DST: variants seen among roughly 807,000 people sequenced by gnomAD.
DST encodes the protein bullous pemphigoid antigen.
In DST, 253 loss-of-function variants were observed where a neutral mutation model predicts 875.2. That is an observed-to-expected ratio of 0.29 (90% CI 0.26 to 0.32). DST has a LOEUF of 0.32. DST is among the 10% of genes least tolerant of loss of function. The pLI is 1.00. For missense variants in DST, 8,287 were observed against 9,111.6 expected (o/e 0.91, Z 3.68); for synonymous variants, 3,124 against 3,197.1 (o/e 0.98, Z 0.77).
At chr6:56,582,816 A>G (rs1186091046) in intron 49 of DST, among the ~76,000 whole-genome samples, 6 of 151,936 alleles carry the variant, frequency 3.9e-5, no homozygotes, top group African/African-American at 1.5e-4. Context: ...TCATTGTTCA[A>G]TTCCCACCTA....
At chr6:56,614,317 C>A (rs201696898) in intron 37 of DST, 39 bp downstream of exon 37, 2 of 1,541,136 alleles carry the variant, frequency 1.3e-6, no homozygotes, top group African/African-American at 1.4e-5. Context: ...AACGTCCCTG[C>A]TATTATTATT....
Position 56,572,862 on chromosome 6 carries a change from T to A in DST, c.13439A>T (p.Glu4480Val). The change falls in exon 52 of 104, where the codon GAA becomes GTA. Residue 4480 changes from glutamate to valine, a missense_variant. Physicochemically the swap from Glu to Val is moderately radical, Grantham distance 121. This residue lies in a region of DST where 1,513 missense variants were observed against 1,677.8 expected (regional missense o/e 0.90). Coordinates refer to ENST00000680361, the MANE Select transcript of DST (RefSeq NM_001374736.1). ...CTTTTCTGAGAGGTTCTCAAACAGT[T>A]CTACTTTGGTTTTTAGCTCCTCCAT... The part of the protein sequence containing the change: ...AKMEELKTKV[E>V]LFENLSEKLQ... 1 of 1,613,428 alleles carries A rather than the reference T, an allele frequency of 6.2e-7. No homozygotes were observed. Among genetic ancestry groups the A allele is most frequent in the East Asian group, 2.2e-5 (1 of 44,846 alleles).
intron 60 of DST, 34 bp downstream of exon 60, chr6:56,555,311 G>A: frequency 6.5e-7 from 1 of 1,528,740 alleles, no homozygotes; most frequent in East Asian, 2.3e-5. Flanking sequence ...ATTTATTTCT[G>A]ACCAGGAAAT....
intron 87 of DST, 21 bp downstream of exon 87, chr6:56,487,083 C>T (rs756265704): frequency 1.2e-6 from 2 of 1,612,582 alleles, no homozygotes; most frequent in South Asian, 1.1e-5. Flanking sequence ...AGTAACCAAA[C>T]TGTCTTAAAG....
chr6:56,750,604 CAAAAG>C (rs1029757191), intron 4 of DST, among the ~76,000 whole-genome samples: 1 of 151,962 alleles, frequency 6.6e-6, no homozygotes, highest in East Asian at 1.9e-4. Context: ...AGAAAATATG[CAAAAG>C]AAAAGAAGAG....
chr6:56,722,687 G>T lies in DST; in HGVS notation c.687+12541C>A, dbSNP rs561953213. ...ATGAGCCACCGCGCCCAGCCTAAAAGTAGTACATGTTCTTTTTAGAAAAAC... is the reference window on the plus strand; with the variant it reads ...ATGAGCCACCGCGCCCAGCCTAAAATTAGTACATGTTCTTTTTAGAAAAAC... On this transcript the variant is annotated intron_variant, in intron 5 of 103. Coordinates refer to ENST00000680361, the MANE Select transcript of DST (RefSeq NM_001374736.1). Among the ~76,000 whole-genome samples the T allele has an allele frequency of 6.0e-4, 92 of 152,170 alleles. 2 individuals are homozygous for T. The South Asian group carries it at 0.018, about 30-fold the overall frequency.
At chr6:56,769,793 G>A (rs553846382) in intron 4 of DST, among the ~76,000 whole-genome samples, 12 of 152,178 alleles carry the variant, frequency 7.9e-5, no homozygotes, top group South Asian at 2.1e-4. Flanking sequence ...CTCCAGCCTG[G>A]GCAAGTGGCG....
chr6:56,931,486 G>T (rs1172612951), intron 2 of DST, among the ~76,000 whole-genome samples: 1 of 152,156 alleles, frequency 6.6e-6, no homozygotes, highest in Non-Finnish European at 1.5e-5. Context: ...GTGGAGCTGT[G>T]ACAAGAGGGC....
chr6:56,492,791 TG>T lies in DST; in HGVS notation c.20550+142del, dbSNP rs1295432498. 96 of 709,460 alleles carry T rather than the reference TG, an allele frequency of 1.4e-4. No individual in the cohort carries two copies. In the East Asian group the frequency reaches 2.8e-3, roughly 21 times the overall value. The allele number at this position is 709,460 out of a possible 1,614,324, so 43.9% of individuals were successfully genotyped here. On this transcript the variant is annotated intron_variant, in intron 84 of 103. Coordinates refer to ENST00000680361, the MANE Select transcript of DST (RefSeq NM_001374736.1). ...GGGAGGCTGAGGCACAAGAATCGCTTGAACCGGGAGGCAGAGGTTGAAGTAA... is the reference window on the plus strand; with the variant it reads ...GGGAGGCTGAGGCACAAGAATCGCTTAACCGGGAGGCAGAGGTTGAAGTAA...
Position 56,557,489 on chromosome 6 carries a change from T to C in DST, c.14470A>G (p.Thr4824Ala), listed in dbSNP as rs1338593600. 3.1e-6 allele frequency: 5 copies of C among 1,612,910 alleles called. No individual in the cohort carries two copies. The highest frequency in any genetic ancestry group is 1.3e-5 in the African/African-American group (1 of 74,912). ...TCCAGTTTTTGTTGTCTATCAATTG[T>C]TAATTGATTGAGTTCTTGCCACTTA... ...DSKWQELNQL[T>A]IDRQQKLEES... Residue 4824 changes from threonine to alanine, a missense_variant, in exon 59 of 104, where the codon ACA becomes GCA. Thr to Ala is a moderately conservative substitution (Grantham distance 58). Coordinates refer to ENST00000680361, the MANE Select transcript of DST (RefSeq NM_001374736.1).
intron 1 of DST, 90 bp from the exon 2 acceptor site, chr6:56,953,909 G>A (rs1211205208): frequency 2.2e-6 from 2 of 896,282 alleles, no homozygotes; most frequent in African/African-American, 3.5e-5. Flanking sequence ...GACCAGGGTT[G>A]GGAAAGCACA....
chr6:56,911,482 G>A (rs531280699), intron 2 of DST, among the ~76,000 whole-genome samples: 110 of 152,288 alleles, frequency 7.2e-4, no homozygotes, highest in African/African-American at 2.6e-3. Context: ...AAGGGCAAAA[G>A]GAAAAGAAGC....
intron 5 of DST, among the ~76,000 whole-genome samples, chr6:56,706,514 C>A (rs74450223): frequency 1.2e-4 from 19 of 152,180 alleles, no homozygotes; most frequent in Non-Finnish European, 2.6e-4. Context: ...ATGATATGTA[C>A]GCGAACAGAT....
intron 4 of DST, among the ~76,000 whole-genome samples, chr6:56,745,837 T>A (rs1589538403): frequency 6.6e-6 from 1 of 152,210 alleles, no homozygotes; most frequent in African/African-American, 2.4e-5. Context: ...TATGGGGTAA[T>A]ACTAAAGCAT....
intron 50 of DST, among the ~76,000 whole-genome samples, chr6:56,577,668 C>T (rs2097893979): frequency 6.6e-6 from 1 of 152,150 alleles, no homozygotes; most frequent in Admixed American, 6.5e-5. Context: ...GATTTTAATT[C>T]ATGCTCTATT....
rs2098222018 is a variant in DST at position 56,589,138 on chromosome 6, AT to A, written c.12903+3043del. 1.3e-5 allele frequency among the ~76,000 whole-genome samples: 2 copies of A among 152,218 alleles called. 1 individual carries two copies. ...CCTTCATGAAACTCAGCATACAAACATTTACTGAATGAATAAATACATCTAA... is the reference window on the plus strand; with the variant it reads ...CCTTCATGAAACTCAGCATACAAACATTACTGAATGAATAAATACATCTAA... On this transcript the variant is annotated intron_variant, in intron 49 of 103. Coordinates refer to ENST00000680361, the MANE Select transcript of DST (RefSeq NM_001374736.1).
rs1482470528 is a variant in DST, at chr6:56,597,780, G to T, written c.12155C>A (p.Thr4052Asn). 6.2e-7 allele frequency: 1 copy of T among 1,613,828 alleles called. No individual in the cohort carries two copies. The highest frequency in any genetic ancestry group is 8.5e-7 in the Non-Finnish European group (1 of 1,179,822). ...TTGCTGATTCAGATTCTCCTGAGTGGTTCCAACTTGCCCATCAACATCAGT... is the reference window on the plus strand; with the variant it reads ...TTGCTGATTCAGATTCTCCTGAGTGTTTCCAACTTGCCCATCAACATCAGT... ...LETDVDGQVGTTQENLNQQYQ... is the reference protein window; with the variant it reads ...LETDVDGQVGNTQENLNQQYQ... The change falls in exon 47 of 104, where the codon ACC becomes AAC. Residue 4052 changes from threonine (T) to asparagine (N), a missense_variant. By Grantham distance (65) the Thr-to-Asn change is moderately conservative. This residue lies in a region of DST where 1,513 missense variants were observed against 1,677.8 expected (regional missense o/e 0.90). Coordinates refer to ENST00000680361, the MANE Select transcript of DST (RefSeq NM_001374736.1).
At chr6:56,803,601 T>C (rs79453984) in intron 4 of DST, among the ~76,000 whole-genome samples, 1,791 of 152,260 alleles carry the variant, frequency 0.012, 45 homozygotes, top group African/African-American at 0.041. Context: ...AAAAAAGATA[T>C]GAGGAGATGC....
intron 28 of DST, 74 bp from the exon 29 acceptor site, chr6:56,632,114 A>T (rs1444731212): frequency 6.0e-6 from 7 of 1,172,812 alleles, no homozygotes; most frequent in Non-Finnish European, 8.6e-6. Context: ...TTTTAATATG[A>T]GAATTTTATA....
Sources: gnomAD v4.1 joint callset for allele counts (sites outside exome capture counted in the v4.1 genomes callset) on GRCh38, gnomAD v4.1.1 for gene constraint, gnomAD v4.1.1 regional missense constraint, MANE v1.5 for transcripts, NCBI Gene and HGNC (gene_info 2026-07-23, HGNC 2026-07-21) for gene names.